SLC36A1: variants seen among roughly 807,000 people sequenced by gnomAD.
SLC36A1 encodes the protein solute carrier family 36 member 1, also known as proton-coupled amino acid transporter 1.
A neutral mutation model predicts 47.5 loss-of-function variants in SLC36A1; 30 were observed. The ratio of observed to expected loss-of-function variants is 0.63; its 90% CI spans 0.47 to 0.86. SLC36A1 has a LOEUF of 0.86. SLC36A1 is among the 40% of genes least tolerant of loss of function. The probability of loss-of-function intolerance (pLI) is 0.00; values close to 1 mark genes in which losing one functional copy is unlikely to be tolerated. For missense variants in SLC36A1, 517 were observed against 606.0 expected (o/e 0.85, Z 1.54); for synonymous variants, 255 against 249.7 (o/e 1.02, Z -0.20).
chr5:151,399,086 T>TA, the SLC36A1 span, among the ~76,000 whole-genome samples: 488 of 49,740 alleles, frequency 9.8e-3, 2 homozygotes, highest in African/African-American at 0.042. Flanking sequence ...ATATATATAT[T>TA]TTTTTTTTTT....
At chr5:151,389,445 T>G in the SLC36A1 span, among the ~76,000 whole-genome samples, 2 of 152,086 alleles carry the variant, frequency 1.3e-5, no homozygotes, top group African/African-American at 4.8e-5. Context: ...AGTTCTAGGG[T>G]ACATGTGCAC....
chr5:151,381,086 G>T, the SLC36A1 span: 1 of 476,808 alleles, frequency 2.1e-6, no homozygotes, highest in South Asian at 1.9e-5. Flanking sequence ...CCAGCCACAC[G>T]ACCATGTCAC....
intron 1 of SLC36A1, among the ~76,000 whole-genome samples, chr5:151,455,835 T>A (rs536454126): frequency 1.3e-5 from 2 of 152,334 alleles, no homozygotes; most frequent in South Asian, 4.1e-4. Context: ...ACAAAGTGAC[T>A]TGACAGGAAT....
At chr5:151,505,860 A>G in the SLC36A1 span, 2 of 1,609,584 alleles carry the variant, frequency 1.2e-6, no homozygotes, top group Admixed American at 3.4e-5. Flanking sequence ...CCGAGAGGGC[A>G]TCAGATCTTC....
chr5:151,417,880 C>G, the SLC36A1 span, among the ~76,000 whole-genome samples: 2 of 152,184 alleles, frequency 1.3e-5, no homozygotes, highest in African/African-American at 4.8e-5. Context: ...TCATGGCAGC[C>G]CCTCTCATCA....
chr5:151,495,905 C>T (rs904464276), downstream of SLC36A1, among the ~76,000 whole-genome samples: 8 of 152,040 alleles, frequency 5.3e-5, no homozygotes, highest in African/African-American at 1.9e-4. Flanking sequence ...TGATGTTTAA[C>T]CCTTCAGTCA....
At chr5:151,521,996 G>A in the SLC36A1 span, 1 of 1,614,154 alleles carries the variant, frequency 6.2e-7, no homozygotes, top group Non-Finnish European at 8.5e-7. Flanking sequence ...ATCTCCAGTG[G>A]GAGAGCAGAA....
At chr5:151,377,642 C>T in the SLC36A1 span, among the ~76,000 whole-genome samples, 6 of 151,880 alleles carry the variant, frequency 4.0e-5, no homozygotes, top group African/African-American at 7.3e-5. Context: ...CCACCGCGCC[C>T]GGCCTGCTGT....
downstream of SLC36A1, among the ~76,000 whole-genome samples, chr5:151,493,208 C>T (rs1160948383): frequency 1.3e-5 from 2 of 152,194 alleles, no homozygotes; most frequent in Admixed American, 1.3e-4. Context: ...TGTTTATTCT[C>T]TCACTCAATA....
the SLC36A1 span, among the ~76,000 whole-genome samples, chr5:151,348,683 A>G: frequency 6.6e-6 from 1 of 152,182 alleles, no homozygotes; most frequent in Non-Finnish European, 1.5e-5. Context: ...ATAAGCTTCA[A>G]GCTCCACAAA....
intron 1 of SLC36A1, among the ~76,000 whole-genome samples, chr5:151,458,301 C>CGTGTGTGTGT (rs138441257): frequency 3.5e-4 from 37 of 104,636 alleles, no homozygotes; most frequent in East Asian, 1.2e-3. Flanking sequence ...TATACATACA[C>CGTGTGTGTGT]GTGTATATAC....
Position 151,467,695 on chromosome 5 carries a change from C to A in SLC36A1, c.505-12C>A. The A allele has an allele frequency of 6.2e-7, 1 of 1,609,798 alleles. No individual in the cohort carries two copies. The highest frequency in any genetic ancestry group is 8.5e-7 in the Non-Finnish European group (1 of 1,176,252). ...AGAGGTGTTTCCGTTTTCTTCCTTC[C>A]CCTCATTCTAGGTGATAGAAGCGGC... On this transcript the variant is annotated splice_polypyrimidine_tract_variant and intron_variant, in intron 6 of 10. Coordinates refer to ENST00000243389, the MANE Select transcript of SLC36A1 (RefSeq NM_078483.4).
the SLC36A1 span, among the ~76,000 whole-genome samples, chr5:151,384,029 G>C: frequency 9.4e-6 from 1 of 106,334 alleles, no homozygotes; most frequent in East Asian, 2.4e-4. Flanking sequence ...AGTGTTTTGT[G>C]ACAAAAAAAA....
the SLC36A1 span, among the ~76,000 whole-genome samples, chr5:151,393,788 G>A: frequency 4.6e-5 from 7 of 152,116 alleles, no homozygotes; most frequent in African/African-American, 1.7e-4. Context: ...AGTCTGATGG[G>A]CTTCCCTTTG....
the SLC36A1 span, among the ~76,000 whole-genome samples, chr5:151,552,979 A>G: frequency 7.2e-5 from 11 of 152,194 alleles, no homozygotes; most frequent in East Asian, 2.1e-3. Context: ...AGTGAAAGGA[A>G]AGCTTGGCAG....
chr5:151,433,256 ATATATATATATTTT>A (rs1759532182), upstream of SLC36A1, among the ~76,000 whole-genome samples: 11 of 15,688 alleles, frequency 7.0e-4, no homozygotes, highest in African/African-American at 2.4e-3. Context: ...ATATATATAT[ATATATATATATTTT>A]TTTTTTTTTT....
intron 2 of SLC36A1, among the ~76,000 whole-genome samples, chr5:151,459,353 A>G (rs1206529898): frequency 6.6e-6 from 1 of 152,250 alleles, no homozygotes; most frequent in Non-Finnish European, 1.5e-5. Context: ...GGAAGAGAGA[A>G]GAATTAACTT....
At chr5:151,475,977 A>G (rs570684263) in intron 8 of SLC36A1, among the ~76,000 whole-genome samples, 2 of 152,208 alleles carry the variant, frequency 1.3e-5, no homozygotes, top group Admixed American at 1.3e-4. Flanking sequence ...GTCCTCTCTT[A>G]TGATGAAGGA....
the SLC36A1 span, among the ~76,000 whole-genome samples, chr5:151,532,492 T>C: frequency 6.6e-6 from 1 of 152,158 alleles, no homozygotes; most frequent in African/African-American, 2.4e-5. Context: ...AATGGACCAA[T>C]GTCAGTTTTC....
Sources: gnomAD v4.1 joint callset for allele counts (sites outside exome capture counted in the v4.1 genomes callset) on GRCh38, gnomAD v4.1.1 for gene constraint, MANE v1.5 for transcripts, NCBI Gene and HGNC (gene_info 2026-07-23, HGNC 2026-07-21) for gene names.